Variants in SELENOI observed in about 807,000 individuals in gnomAD.
The protein encoded by SELENOI is ethanolaminephosphotransferase 1.
SELENOI carries 24 observed loss-of-function variants against 50.7 expected under a neutral mutation model. The ratio of observed to expected loss-of-function variants is 0.47; its 90% CI spans 0.34 to 0.67. The LOEUF is 0.67. SELENOI is among the 30% of genes least tolerant of loss of function. The pLI, the probability that SELENOI is intolerant of heterozygous loss-of-function variation, is 0.01. For missense variants in SELENOI, 352 were observed against 461.4 expected, an observed-to-expected ratio of 0.76 and a Z score of 2.17; for synonymous variants, 155 against 170.2, an observed-to-expected ratio of 0.91 and a Z score of 0.70.
chr2:26,388,469 GGCC>G (rs1677894163), intron 9 of SELENOI, among the ~76,000 whole-genome samples: 2 of 152,142 alleles, frequency 1.3e-5, no homozygotes, highest in South Asian at 4.2e-4. Flanking sequence ...AAACTTGCTA[GGCC>G]ACACAAAACA....
At chr2:26,364,271 A>C in intron 1 of SELENOI, 31 bp from the exon 2 acceptor site, 1 of 1,455,390 alleles carries the variant, frequency 6.9e-7, no homozygotes, top group Non-Finnish European at 9.4e-7. Flanking sequence ...GCAAGGATTT[A>C]CTCTGAATAT....
chr2:26,370,417 A>G (rs925204981), intron 4 of SELENOI, among the ~76,000 whole-genome samples: 2 of 150,102 alleles, frequency 1.3e-5, no homozygotes, highest in Non-Finnish European at 3.0e-5. Context: ...GGGGCTCCTC[A>G]CTTCCCAGTA....
rs1677975415 is a variant in SELENOI at position 26,391,746 on chromosome 2, A to T, written c.*2643A>T. ...AGTCGTTTCAGGCTTATCAGATAAT[A>T]ATTCTCCTATATTTGAGGGGGGCAT... On this transcript the variant is annotated 3_prime_UTR_variant, in exon 10 of 10. Transcript: ENST00000260585. 6.6e-6 allele frequency: 1 copy of T among 152,138 alleles called. No individual in the cohort carries two copies. The highest frequency in any genetic ancestry group is 2.4e-5 in the African/African-American group (1 of 41,428). The allele number at this position is 152,138 out of a possible 1,614,324, so 9.4% of individuals were successfully genotyped here.
chr2:26,380,599 A>G (rs983129901), intron 6 of SELENOI, among the ~76,000 whole-genome samples: 7 of 152,180 alleles, frequency 4.6e-5, no homozygotes, highest in Non-Finnish European at 8.8e-5. Context: ...AGTCTTGTAC[A>G]TCAGTCTTTT....
chr2:26,358,521 G>A (rs1007037856), intron 1 of SELENOI, among the ~76,000 whole-genome samples: 1 of 152,138 alleles, frequency 6.6e-6, no homozygotes, highest in East Asian at 1.9e-4. Context: ...CACAATGCCC[G>A]GTCCATAATA....
At chr2:26,386,919 AG>A (rs1280683649) in intron 9 of SELENOI, among the ~76,000 whole-genome samples, 2 of 152,156 alleles carry the variant, frequency 1.3e-5, no homozygotes, top group Non-Finnish European at 2.9e-5. Flanking sequence ...CTTTAGCTTT[AG>A]GGGCATTTTT....
intron 1 of SELENOI, 83 bp from the exon 2 acceptor site, chr2:26,364,219 C>T: frequency 1.0e-6 from 1 of 1,000,802 alleles, no homozygotes; most frequent in Non-Finnish European, 1.5e-6. Flanking sequence ...CCTGGCTTTA[C>T]TATTATTTTC....
rs200397545 is a variant in SELENOI at position 26,346,560 on chromosome 2, A to AT, written c.57+279dup. On this transcript the variant is annotated intron_variant, in intron 1 of 9. Transcript: ENST00000260585. ...CATGGAGCGAGGGAATTCCCTTCCT[A>AT]TTTTTTTTAAACTTATTATTTTCGT... is the stretch of plus-strand genomic sequence containing the variant. The AT allele has an allele frequency of 1.2e-3, 397 of 343,590 alleles. 1 individual carries two copies. The highest frequency in any genetic ancestry group is 8.5e-3 in the Admixed American group (175 of 20,594). 21.3% of individuals were successfully genotyped at this position (343,590 alleles called of 1,614,324 possible).
intron 3 of SELENOI, among the ~76,000 whole-genome samples, chr2:26,365,631 G>T (rs1417279758): frequency 2.0e-5 from 3 of 152,138 alleles, no homozygotes; most frequent in Non-Finnish European, 2.9e-5. Context: ...CATTCTAAGA[G>T]AATTTTCCAA....
At chr2:26,356,072 T>C (rs1574749991) in intron 1 of SELENOI, among the ~76,000 whole-genome samples, 1 of 152,236 alleles carries the variant, frequency 6.6e-6, no homozygotes, top group South Asian at 2.1e-4. Flanking sequence ...AAGTCTTGTA[T>C]TGATTAAAAG....
chr2:26,381,654 A>T (rs927493322), intron 6 of SELENOI, among the ~76,000 whole-genome samples: 3 of 152,078 alleles, frequency 2.0e-5, no homozygotes, highest in Non-Finnish European at 4.4e-5. Flanking sequence ...TCCCAGCTTG[A>T]CGTGGAGTAA....
At chr2:26,371,986 C>T (rs1677465560) in intron 4 of SELENOI, among the ~76,000 whole-genome samples, 3 of 152,176 alleles carry the variant, frequency 2.0e-5, no homozygotes, top group African/African-American at 7.2e-5. Context: ...TCTTTATGTC[C>T]TCTACTCAGA....
Position 26,395,153 on chromosome 2 carries a change from T to C in SELENOI, c.*6050T>C, listed in dbSNP as rs1475601167. Reference sequence around the variant, plus strand: ...GATGTGTGTGTATGCCTATTTAATATGTACACATATATTCACTACATATGT... The same window carrying C: ...GATGTGTGTGTATGCCTATTTAATACGTACACATATATTCACTACATATGT... On this transcript the variant is annotated 3_prime_UTR_variant, in exon 10 of 10. Transcript: ENST00000260585. 1 of 152,260 alleles carries C rather than the reference T, an allele frequency of 6.6e-6. No individual in the cohort carries two copies. The highest frequency in any genetic ancestry group is 2.4e-5 in the African/African-American group (1 of 41,468). 9.4% of individuals were successfully genotyped at this position (152,260 alleles called of 1,614,324 possible). A position where few individuals can be genotyped will look rare whatever the true frequency, so the allele number is the denominator to read the frequency against.
In SELENOI at chr2:26,386,348, G is replaced by A. The variant is rs566481711; in HGVS notation, c.913-6G>A. On this transcript the variant is annotated splice_polypyrimidine_tract_variant and splice_region_variant and intron_variant, in intron 8 of 9. Coordinates refer to ENST00000260585, the MANE Select transcript of SELENOI (RefSeq NM_033505.4). Reference sequence around the variant, plus strand: ...TTCTCTCTTATTTTTTTAAATTGACGTCCAGTGTCAGCTGATTGTTTGCCA... The same window carrying A: ...TTCTCTCTTATTTTTTTAAATTGACATCCAGTGTCAGCTGATTGTTTGCCA... 3.4e-5 allele frequency: 55 copies of A among 1,597,436 alleles called. No homozygotes were observed. Among genetic ancestry groups the A allele is most frequent in the East Asian group, 8.9e-5 (4 of 44,808 alleles).
intron 4 of SELENOI, among the ~76,000 whole-genome samples, chr2:26,372,520 A>G (rs79231294): frequency 0.024 from 3,638 of 152,278 alleles, 394 homozygotes; most frequent in Admixed American, 0.18. Context: ...CAATTCTTAT[A>G]TTTGCTGAAT....
intron 1 of SELENOI, among the ~76,000 whole-genome samples, chr2:26,348,317 G>A (rs1342446904): frequency 6.6e-6 from 1 of 152,218 alleles, no homozygotes; most frequent in Non-Finnish European, 1.5e-5. Context: ...CTCATGTGAT[G>A]CTTTATAAGA....
chr2:26,368,987 G>T (rs2147952285), intron 4 of SELENOI, among the ~76,000 whole-genome samples: 1 of 152,308 alleles, frequency 6.6e-6, no homozygotes, highest in South Asian at 2.1e-4. Context: ...AGGCACTGGG[G>T]AATGTACTTT....
At chr2:26,365,607 A>T (rs768131283) in intron 3 of SELENOI, among the ~76,000 whole-genome samples, 5 of 152,136 alleles carry the variant, frequency 3.3e-5, no homozygotes, top group Non-Finnish European at 4.4e-5. Flanking sequence ...TTGGAGATAG[A>T]TGGGCATTTT....
At chr2:26,369,637 G>T (rs116066051) in intron 4 of SELENOI, among the ~76,000 whole-genome samples, 3,613 of 152,226 alleles carry the variant, frequency 0.024, 74 homozygotes, top group Non-Finnish European at 0.039. Flanking sequence ...CATACCGTCA[G>T]GTGCCTCTTC....
Sources: allele counts gnomAD v4.1 joint callset (sites outside exome capture counted in the v4.1 genomes callset), GRCh38; gene constraint gnomAD v4.1.1; transcripts MANE v1.5; gene names NCBI Gene and HGNC (gene_info 2026-07-23, HGNC 2026-07-21).